Variants in RNF149 observed in about 807,000 individuals in gnomAD.
RNF149 encodes the protein ring finger protein 149.
RNF149 carries 21 observed loss-of-function variants against 39.0 expected under a neutral mutation model. The ratio of observed to expected loss-of-function variants is 0.54; its 90% CI spans 0.38 to 0.77. RNF149 has a LOEUF of 0.77. RNF149 is among the 30% of genes least tolerant of loss of function. The pLI, the probability that RNF149 is intolerant of heterozygous loss-of-function variation, is 0.00. For missense variants in RNF149, 493 were observed against 534.9 expected (o/e 0.92, Z 0.77); for synonymous variants, 209 against 213.6 (o/e 0.98, Z 0.19).
At chr2:101,295,660 C>CAA (rs780184197) in intron 1 of RNF149, among the ~76,000 whole-genome samples, 6 of 84,260 alleles carry the variant, frequency 7.1e-5, no homozygotes, top group African/African-American at 2.6e-4. Context: ...GACCCCATCT[C>CAA]AAAAAAAAAA....
At chr2:101,304,372 G>C (rs1011670287) in intron 1 of RNF149, among the ~76,000 whole-genome samples, 20 of 152,136 alleles carry the variant, frequency 1.3e-4, no homozygotes, top group African/African-American at 4.6e-4. Context: ...ACTCCAGCCT[G>C]GGTGACAGAG....
downstream of RNF149, among the ~76,000 whole-genome samples, chr2:101,272,092 A>G (rs150495066): frequency 7.2e-5 from 11 of 152,332 alleles, no homozygotes; most frequent in African/African-American, 2.6e-4. Context: ...CCCTCTGTCT[A>G]CTAAGATATT....
intron 3 of RNF149, among the ~76,000 whole-genome samples, chr2:101,292,393 A>G (rs1056610540): frequency 1.3e-5 from 2 of 152,212 alleles, no homozygotes; most frequent in Non-Finnish European, 2.9e-5. Flanking sequence ...TGGGAAGAGG[A>G]TAATACCAAT....
In RNF149 at chr2:101,304,837, T is replaced by C. The variant is rs1683595599; in HGVS notation, c.460+3292A>G. Among the ~76,000 whole-genome samples, 4 of 14,726 alleles carry C rather than the reference T, an allele frequency of 2.7e-4. No homozygotes were observed. In the South Asian group the frequency reaches 3.7e-3, roughly 14 times the overall value. The allele number at this position is 14,726 out of a possible 152,430, so 9.7% of individuals were successfully genotyped here. On this transcript the variant is annotated intron_variant, in intron 1 of 6. Coordinates refer to ENST00000295317, the MANE Select transcript of RNF149 (RefSeq NM_173647.4). ...AGGCTTGGGAAGAGACTACTAGTAT[T>C]TTTTTTTTTTTTTTTTTTTTTGAGA...
chr2:101,308,319 G>A lies in RNF149; in HGVS notation c.270C>T (p.Cys90=), dbSNP rs1286846741. The A allele has an allele frequency of 4.4e-6, 7 of 1,585,198 alleles. No individual in the cohort carries two copies. The highest frequency in any genetic ancestry group is 1.8e-5 in the Admixed American group (1 of 56,666). Residue 90 remains cysteine (C), a synonymous_variant, in exon 1 of 7, where the codon TGC becomes TGT. Coordinates refer to ENST00000295317, the MANE Select transcript of RNF149 (RefSeq NM_173647.4). ...PWAPGGDLEG[C]APDTRFFVPE... is the part of the protein sequence containing the mutation. ...GCACGAAGAAGCGCGTGTCGGGCGC[G>A]CAGCCCTCGAGGTCTCCGCCGGGCG... is the stretch of plus-strand genomic sequence containing the variant.
chr2:101,294,344 C>A, intron 2 of RNF149: 1 of 327,546 alleles, frequency 3.1e-6, no homozygotes, highest in Non-Finnish European at 5.6e-6. Flanking sequence ...AGAGGTGTTT[C>A]ACCAAGAGTA....
At chr2:101,275,463 A>T (rs796834592), downstream of RNF149, among the ~76,000 whole-genome samples, 1 of 33,090 alleles carries the variant, frequency 3.0e-5, no homozygotes, top group Non-Finnish European at 5.4e-5. Context: ...TTTTTTTGAG[A>T]CGGAGTCTCG....
chr2:101,273,756 A>C (rs1477166156), downstream of RNF149, among the ~76,000 whole-genome samples: 1 of 152,102 alleles, frequency 6.6e-6, no homozygotes, highest in African/African-American at 2.4e-5. Flanking sequence ...TAAAAGCGTC[A>C]ACCACCACAC....
downstream of RNF149, among the ~76,000 whole-genome samples, chr2:101,272,101 T>G (rs945991218): frequency 6.6e-6 from 1 of 152,210 alleles, no homozygotes; most frequent in Non-Finnish European, 1.5e-5. Context: ...TACTAAGATA[T>G]TTTACTGATT....
chr2:101,275,119 T>TG (rs1682284057), downstream of RNF149, among the ~76,000 whole-genome samples: 2 of 124,444 alleles, frequency 1.6e-5, no homozygotes, highest in Admixed American at 1.6e-4. Flanking sequence ...CTGTTTTTTT[T>TG]TTTTTTTTTT....
At chr2:101,296,156 C>T (rs1291684314) in intron 1 of RNF149, among the ~76,000 whole-genome samples, 3 of 152,076 alleles carry the variant, frequency 2.0e-5, no homozygotes, top group African/African-American at 4.8e-5. Context: ...ACCAATTCCA[C>T]TTATGAGTAC....
At chr2:101,277,907 A>T (rs1438578641) in intron 6 of RNF149, among the ~76,000 whole-genome samples, 1 of 152,146 alleles carries the variant, frequency 6.6e-6, no homozygotes, top group Admixed American at 6.5e-5. Flanking sequence ...GGTGATGGTG[A>T]TGCTGCCACC....
At chr2:101,274,988 T>C (rs1201806785), downstream of RNF149, among the ~76,000 whole-genome samples, 2 of 151,252 alleles carry the variant, frequency 1.3e-5, no homozygotes, top group Non-Finnish European at 2.9e-5. Context: ...AGAGATGGGG[T>C]TTCTCCATGT....
At position 101,276,952 on chromosome 2, in the gene RNF149, C is replaced by T; in HGVS notation, c.*286G>A. 2 of 1,124,338 alleles carry T rather than the reference C, an allele frequency of 1.8e-6. No homozygotes were observed. Among genetic ancestry groups the T allele is most frequent in the Non-Finnish European group, 2.2e-6 (2 of 911,236 alleles). 69.6% of individuals were successfully genotyped at this position (1,124,338 alleles called of 1,614,324 possible). A position where few individuals can be genotyped will look rare whatever the true frequency, so the allele number is the denominator to read the frequency against. ...GCAGCCAATTATTTAGAAACACCAC[C>T]TGTCCTTTATATTAGAGTACCTGCC... On this transcript the variant is annotated 3_prime_UTR_variant, in exon 7 of 7. Transcript: ENST00000295317.
chr2:101,307,994 G>C, intron 1 of RNF149, 135 bp downstream of exon 1: 9 of 1,443,646 alleles, frequency 6.2e-6, no homozygotes, highest in Non-Finnish European at 6.3e-6. Context: ...GGGCTTCCCT[G>C]AAAGTTCCAA....
At chr2:101,291,039 T>C (rs892296999) in intron 3 of RNF149, among the ~76,000 whole-genome samples, 1 of 152,228 alleles carries the variant, frequency 6.6e-6, no homozygotes, top group African/African-American at 2.4e-5. Context: ...GGCAGTTCAT[T>C]TTATGGAACA....
intron 6 of RNF149, 139 bp downstream of exon 6, chr2:101,281,720 C>G: frequency 3.9e-6 from 4 of 1,035,268 alleles, no homozygotes; most frequent in Non-Finnish European, 5.7e-6. Context: ...AGGCTGTTCT[C>G]AAATTTCTGG....
intron 1 of RNF149, among the ~76,000 whole-genome samples, chr2:101,298,552 T>C (rs564802744): frequency 6.6e-6 from 1 of 152,198 alleles, no homozygotes; most frequent in East Asian, 1.9e-4. Context: ...AGTATGTGTA[T>C]GAAGGCTGAA....
intron 1 of RNF149, among the ~76,000 whole-genome samples, chr2:101,303,737 C>G (rs1210775108): frequency 6.6e-6 from 1 of 151,850 alleles, no homozygotes; most frequent in Admixed American, 6.6e-5. Flanking sequence ...TCTTATACCT[C>G]TTTGTAACCT....
Sources: gnomAD v4.1 joint callset for allele counts (sites outside exome capture counted in the v4.1 genomes callset) on GRCh38, gnomAD v4.1.1 for gene constraint, MANE v1.5 for transcripts, NCBI Gene and HGNC (gene_info 2026-07-23, HGNC 2026-07-21) for gene names.